The following UQCC1 variants were observed in gnomAD, a reference collection of about 807,000 sequenced individuals.
UQCC1 encodes the protein ubiquinol-cytochrome c reductase complex assembly factor 1.
UQCC1 carries 38 observed loss-of-function variants against 48.0 expected under a neutral mutation model. The ratio of observed to expected loss-of-function variants is 0.79; its 90% confidence interval spans 0.61 to 1.04. The LOEUF (loss-of-function observed/expected upper bound fraction) is 1.04. UQCC1 is among the 50% of genes least tolerant of loss of function. The pLI is 0.00. For synonymous variants in UQCC1, 111 were observed against 129.2 expected (o/e 0.86, Z 0.95); for missense variants, 368 against 381.8 (o/e 0.96, Z 0.30).
chr20:35,338,431 C>T (rs780250534), intron 7 of UQCC1, among the ~76,000 whole-genome samples: 10 of 152,106 alleles, frequency 6.6e-5, no homozygotes, highest in Non-Finnish European at 1.2e-4. Context: ...GTAATCTGGC[C>T]TTGGTCCTCA....
intron 7 of UQCC1, among the ~76,000 whole-genome samples, chr20:35,327,060 T>C (rs2061203154): frequency 6.6e-6 from 1 of 152,206 alleles, no homozygotes; most frequent in South Asian, 2.1e-4. Flanking sequence ...ATTGCCCAGA[T>C]GGCAACATTT....
rs779461610 is a variant in UQCC1, at chr20:35,347,216, A to G, written c.521T>C (p.Ile174Thr). ...ATCCTCCCACATAAAATGAACTATG[A>G]TACGACACATGTACTTCCCACTCCG... ...EGRSGKYMCRIIVHFMWEDVQ... is the reference protein window; with the variant it reads ...EGRSGKYMCRTIVHFMWEDVQ... Residue 174 changes from isoleucine to threonine, a missense_variant, in exon 7 of 10, where the codon ATC (isoleucine) becomes ACC (threonine). Ile to Thr is a moderately conservative substitution (Grantham distance 89). Coordinates refer to ENST00000374385, the MANE Select transcript of UQCC1 (RefSeq NM_018244.5). The G allele has an allele frequency of 5.6e-6, 9 of 1,614,150 alleles. No individual in the cohort carries two copies. The Admixed American group carries it at 1.3e-4, about 24-fold the overall frequency.
At chr20:35,348,757 GAGCCTCCTGCCTC>G (rs1309540294) in intron 6 of UQCC1, among the ~76,000 whole-genome samples, 4 of 152,074 alleles carry the variant, frequency 2.6e-5, no homozygotes, top group African/African-American at 9.7e-5. Context: ...GGGCTTAAGG[GAGCCTCCTGCCTC>G]AGCCTCCTGT....
At chr20:35,309,445 A>C (rs2060966286) in intron 8 of UQCC1, among the ~76,000 whole-genome samples, 1 of 152,050 alleles carries the variant, frequency 6.6e-6, no homozygotes. Context: ...GAAAAAAAAA[A>C]AGAATAGCTG....
intron 1 of UQCC1, among the ~76,000 whole-genome samples, chr20:35,397,178 G>A (rs1332316754): frequency 1.2e-4 from 17 of 147,500 alleles, no homozygotes; most frequent in Admixed American, 8.2e-4. Context: ...CAGCCTGGGC[G>A]ATAGAGAGGG....
chr20:35,359,492 A>AG (rs1282142314), intron 6 of UQCC1, among the ~76,000 whole-genome samples: 2 of 152,208 alleles, frequency 1.3e-5, no homozygotes, highest in Admixed American at 1.3e-4. Context: ...CTGGGAGGGA[A>AG]GATTCTTGTT....
intron 7 of UQCC1, among the ~76,000 whole-genome samples, chr20:35,337,130 C>T (rs559004229): frequency 2.6e-5 from 4 of 152,060 alleles, no homozygotes; most frequent in Middle Eastern, 6.9e-3. Flanking sequence ...GGTGAAAAGA[C>T]AGACTGTTGG....
At chr20:35,318,670 AT>A (rs2061089800) in intron 7 of UQCC1, among the ~76,000 whole-genome samples, 1 of 152,172 alleles carries the variant, frequency 6.6e-6, no homozygotes, top group African/African-American at 2.4e-5. Flanking sequence ...CCCAGGCTGG[AT>A]TAGATCATGA....
chr20:35,332,093 G>C (rs2061264441), intron 7 of UQCC1, among the ~76,000 whole-genome samples: 1 of 152,224 alleles, frequency 6.6e-6, no homozygotes, highest in Non-Finnish European at 1.5e-5. Context: ...GACAGGAAAA[G>C]AACTGTTTGG....
intron 6 of UQCC1, among the ~76,000 whole-genome samples, chr20:35,350,583 C>G (rs996509359): frequency 2.0e-5 from 3 of 151,912 alleles, no homozygotes; most frequent in Non-Finnish European, 4.4e-5. Flanking sequence ...TGTAATCCAG[C>G]TACTCCAGAG....
intron 7 of UQCC1, among the ~76,000 whole-genome samples, chr20:35,335,566 A>G (rs950090834): frequency 3.9e-5 from 6 of 152,210 alleles, no homozygotes; most frequent in Non-Finnish European, 7.3e-5. Flanking sequence ...AAGAAGCCAA[A>G]CATAAAATAC....
chr20:35,371,162 A>T (rs2146452471), intron 5 of UQCC1, among the ~76,000 whole-genome samples: 1 of 152,346 alleles, frequency 6.6e-6, no homozygotes, highest in Non-Finnish European at 1.5e-5. Flanking sequence ...TTAAATACGT[A>T]AAAAGTCTTA....
intron 3 of UQCC1, among the ~76,000 whole-genome samples, chr20:35,382,871 T>C (rs1177936769): frequency 3.3e-5 from 5 of 152,160 alleles, no homozygotes; most frequent in African/African-American, 4.8e-5. Context: ...CTGTACCTAA[T>C]AGATGCCCTC....
chr20:35,382,331 G>A, intron 3 of UQCC1, among the ~76,000 whole-genome samples: 1 of 151,474 alleles, frequency 6.6e-6, no homozygotes, highest in East Asian at 1.9e-4. Context: ...GGAGAGGGGG[G>A]GTCCATAGCC....
At chr20:35,331,042 C>CA (rs1292728346) in intron 7 of UQCC1, among the ~76,000 whole-genome samples, 1 of 152,090 alleles carries the variant, frequency 6.6e-6, no homozygotes, top group Non-Finnish European at 1.5e-5. Context: ...AGTATAGCCA[C>CA]AAACACCTAT....
At chr20:35,360,340 G>C (rs1448608809) in intron 6 of UQCC1, among the ~76,000 whole-genome samples, 1 of 152,184 alleles carries the variant, frequency 6.6e-6, no homozygotes, top group Non-Finnish European at 1.5e-5. Flanking sequence ...AGCCTCTGCA[G>C]AGGCTGCCAG....
intron 1 of UQCC1, among the ~76,000 whole-genome samples, chr20:35,397,076 T>C (rs879932008): frequency 2.0e-5 from 3 of 151,820 alleles, no homozygotes; most frequent in Non-Finnish European, 4.4e-5. Flanking sequence ...CGTGTACCTG[T>C]AGTCCCAGCT....
At chr20:35,398,390 T>C (rs1419503841) in intron 1 of UQCC1, among the ~76,000 whole-genome samples, 1 of 152,210 alleles carries the variant, frequency 6.6e-6, no homozygotes, top group Non-Finnish European at 1.5e-5. Flanking sequence ...TTGCAGTATG[T>C]TCAGCACAAT....
chr20:35,313,040 G>C (rs2061011298), intron 8 of UQCC1, among the ~76,000 whole-genome samples: 1 of 152,092 alleles, frequency 6.6e-6, no homozygotes, highest in Non-Finnish European at 1.5e-5. Flanking sequence ...CTTAAAAATA[G>C]TTAAAATGGT....
Sources: allele counts gnomAD v4.1 joint callset (sites outside exome capture counted in the v4.1 genomes callset), GRCh38; gene constraint gnomAD v4.1.1; transcripts MANE v1.5; gene names NCBI Gene and HGNC (gene_info 2026-07-23, HGNC 2026-07-21).